RANBP2: variants seen among roughly 807,000 people sequenced by gnomAD.
The protein encoded by RANBP2 is E3 SUMO-protein ligase RanBP2.
Under a neutral mutation model 303.6 loss-of-function variants are expected in RANBP2, and 57 were observed. The ratio of observed to expected loss-of-function variants is 0.19; its 90% CI spans 0.15 to 0.23. RANBP2 has a LOEUF of 0.23. Ranked by LOEUF, RANBP2 falls within the 10% of genes least tolerant of loss-of-function variation. RANBP2 has a pLI of 1.00. For missense variants in RANBP2, 3,138 were observed against 3,780.8 expected (o/e 0.83, Z 4.46); for synonymous variants, 1,167 against 1,301.5 (o/e 0.90, Z 2.23).
chr2:108,754,933 A>C lies in RANBP2; in HGVS notation c.2231A>C (p.Glu744Ala). ...CCTGTGCCCCTGGAGTCTGTAAAAG[A>C]GATGCTTAATTCAGTCATGCAGGAA... is the stretch of plus-strand genomic sequence containing the variant. ...KLPVPLESVK[E>A]MLNSVMQELE... Residue 744 changes from glutamate to alanine, a missense_variant, in exon 16 of 29, where the codon GAG (glutamate) becomes GCG (alanine). This residue lies in a region of RANBP2 where 194 missense variants were observed against 197.4 expected (regional missense o/e 0.98). Transcript: ENST00000283195. 6.2e-7 allele frequency: 1 copy of C among 1,611,852 alleles called. No individual in the cohort carries two copies. The highest frequency in any genetic ancestry group is 1.1e-5 in the South Asian group (1 of 90,988).
the RANBP2 span, among the ~76,000 whole-genome samples, chr2:108,906,894 C>A: frequency 2.6e-5 from 4 of 152,244 alleles, no homozygotes; most frequent in African/African-American, 9.6e-5. Flanking sequence ...GAACTCGGGG[C>A]AGGCAGAGCT....
the RANBP2 span, among the ~76,000 whole-genome samples, chr2:109,379,251 A>T: frequency 6.6e-6 from 1 of 152,220 alleles, no homozygotes; most frequent in African/African-American, 2.4e-5. Flanking sequence ...GAATTTTGAA[A>T]TAAGGGTCAG....
At chr2:109,379,927 A>G in the RANBP2 span, among the ~76,000 whole-genome samples, 1 of 152,224 alleles carries the variant, frequency 6.6e-6, no homozygotes, top group Admixed American at 6.5e-5. Context: ...AAATTCTTAG[A>G]CCTATCAGGG....
the RANBP2 span, among the ~76,000 whole-genome samples, chr2:109,381,745 A>C: frequency 1.3e-5 from 2 of 152,128 alleles, no homozygotes; most frequent in East Asian, 3.9e-4. Flanking sequence ...AGTCTCTGAC[A>C]TGGAACGAAG....
chr2:109,702,914 G>A, the RANBP2 span, among the ~76,000 whole-genome samples: 469 of 151,822 alleles, frequency 3.1e-3, 2 homozygotes, highest in African/African-American at 0.011. Context: ...CCTCAGCTCC[G>A]GTATGAGTAT....
the RANBP2 span, among the ~76,000 whole-genome samples, chr2:109,091,590 T>C: frequency 2.2e-4 from 33 of 152,190 alleles, no homozygotes; most frequent in Non-Finnish European, 4.4e-5. Context: ...GTGAACCCAT[T>C]GGGCAGTTAA....
chr2:109,285,028 C>T, the RANBP2 span, among the ~76,000 whole-genome samples: 1 of 152,238 alleles, frequency 6.6e-6, no homozygotes, highest in East Asian at 1.9e-4. Context: ...GTGCGCTGTG[C>T]CGCGGGGCCT....
chr2:109,466,875 TTGTG>T, the RANBP2 span, among the ~76,000 whole-genome samples: 6 of 152,156 alleles, frequency 3.9e-5, no homozygotes, highest in Non-Finnish European at 7.4e-5. Flanking sequence ...GTGTATATGT[TTGTG>T]TGTATATGTG....
the RANBP2 span, among the ~76,000 whole-genome samples, chr2:109,700,792 G>A: frequency 6.6e-6 from 1 of 152,088 alleles, no homozygotes; most frequent in Admixed American, 6.6e-5. Flanking sequence ...GACATGGCAA[G>A]CAGAGAAGAT....
At chr2:109,026,207 T>C in the RANBP2 span, among the ~76,000 whole-genome samples, 27 of 151,908 alleles carry the variant, frequency 1.8e-4, no homozygotes, top group Admixed American at 1.6e-3. Context: ...AGTGGCATGA[T>C]TGTAGGTCAC....
At chr2:109,350,662 C>T in the RANBP2 span, among the ~76,000 whole-genome samples, 9 of 152,182 alleles carry the variant, frequency 5.9e-5, no homozygotes, top group African/African-American at 1.2e-4. Flanking sequence ...CCTGTTTTCC[C>T]CCACGGTGGG....
the RANBP2 span, among the ~76,000 whole-genome samples, chr2:109,041,605 C>A: frequency 6.7e-6 from 1 of 150,324 alleles, no homozygotes; most frequent in Non-Finnish European, 1.5e-5. Context: ...TCACTGCAAC[C>A]TTTGCCTCTG....
At chr2:108,829,253 AAT>A in the RANBP2 span, among the ~76,000 whole-genome samples, 1 of 152,202 alleles carries the variant, frequency 6.6e-6, no homozygotes, top group African/African-American at 2.4e-5. Context: ...TGCTACCCAC[AAT>A]ATATAAGGAA....
chr2:109,386,167 T>C, the RANBP2 span, among the ~76,000 whole-genome samples: 1 of 152,224 alleles, frequency 6.6e-6, no homozygotes, highest in Non-Finnish European at 1.5e-5. Context: ...CCGCCTTGCC[T>C]GGAATTGCTC....
the RANBP2 span, among the ~76,000 whole-genome samples, chr2:108,830,763 AC>A: frequency 3.3e-5 from 5 of 152,018 alleles, no homozygotes; most frequent in Non-Finnish European, 5.9e-5. Flanking sequence ...ATCTGAGATC[AC>A]GCCATTGCAC....
At chr2:109,206,490 C>CAA in the RANBP2 span, among the ~76,000 whole-genome samples, 720 of 40,302 alleles carry the variant, frequency 0.018, 44 homozygotes, top group South Asian at 0.067. Flanking sequence ...GACTCCGTCT[C>CAA]AAAAAAAAAA....
chr2:109,505,389 A>G, the RANBP2 span, among the ~76,000 whole-genome samples: 1 of 152,166 alleles, frequency 6.6e-6, no homozygotes, highest in Non-Finnish European at 1.5e-5. Flanking sequence ...AAATTAAGTG[A>G]CCTTGCCAGG....
chr2:108,730,732 G>T, intron 2 of RANBP2, 42 bp from the exon 3 acceptor site: 1 of 1,600,762 alleles, frequency 6.2e-7, no homozygotes, highest in Non-Finnish European at 8.5e-7. Context: ...TAAAAGTACA[G>T]TTCTAAGTTT....
the RANBP2 span, chr2:109,613,889 G>A: frequency 1.6e-6 from 2 of 1,229,622 alleles, no homozygotes; most frequent in Non-Finnish European, 2.0e-6. Context: ...GCTGGTCCCG[G>A]CGACGGCGGC....
Sources: gnomAD v4.1 joint callset for allele counts (sites outside exome capture counted in the v4.1 genomes callset) on GRCh38, gnomAD v4.1.1 for gene constraint, gnomAD v4.1.1 regional missense constraint, MANE v1.5 for transcripts, NCBI Gene and HGNC (gene_info 2026-07-23, HGNC 2026-07-21) for gene names.